The following SPON1 variants were observed in gnomAD, a reference collection of about 807,000 sequenced individuals.
SPON1 encodes the protein spondin-1.
A neutral mutation model predicts 111.7 loss-of-function variants in SPON1; 52 were observed. The observed-to-expected ratio is 0.47, with a 90% CI of 0.37 to 0.59. The LOEUF is 0.59. Among genes scored for constraint, SPON1 ranks in the 20% least tolerant of loss-of-function variants. SPON1 has a pLI of 0.00. For missense variants in SPON1, 957 were observed against 1,068.5 expected, an observed-to-expected ratio of 0.90 and a Z score of 1.46; for synonymous variants, 410 against 395.8, an observed-to-expected ratio of 1.04 and a Z score of -0.43.
At chr11:14,191,011 T>TAAAAAAAAAAAA (rs1564927675) in intron 6 of SPON1, among the ~76,000 whole-genome samples, 3 of 151,418 alleles carry the variant, frequency 2.0e-5, no homozygotes, top group African/African-American at 7.4e-5. Flanking sequence ...CATCACTTGG[T>TAAAAAAAAAAAA]ATATAAAGAA....
At chr11:14,163,337 T>G (rs916864276) in intron 6 of SPON1, among the ~76,000 whole-genome samples, 6 of 152,210 alleles carry the variant, frequency 3.9e-5, no homozygotes, top group Non-Finnish European at 8.8e-5. Flanking sequence ...GTCCAGGTCA[T>G]GAGCATCTAC....
intron 2 of SPON1, among the ~76,000 whole-genome samples, chr11:14,036,485 TAGAGGAA>T (rs1554916650): frequency 6.6e-6 from 1 of 152,156 alleles, no homozygotes; most frequent in Non-Finnish European, 1.5e-5. Flanking sequence ...AGGACCAGGT[TAGAGGAA>T]AGACGGTTAA....
At chr11:13,992,860 TG>T (rs1249356719) in intron 2 of SPON1, among the ~76,000 whole-genome samples, 3 of 151,932 alleles carry the variant, frequency 2.0e-5, no homozygotes, top group Non-Finnish European at 4.4e-5. Flanking sequence ...CATCCTGCTT[TG>T]GCTTGCTCTC....
At chr11:14,186,799 A>C (rs1848290174) in intron 6 of SPON1, among the ~76,000 whole-genome samples, 2 of 152,192 alleles carry the variant, frequency 1.3e-5, no homozygotes, top group Admixed American at 1.3e-4. Flanking sequence ...TAAAGCTAAC[A>C]CTAAGCCAGA....
At chr11:14,204,234 C>A (rs1554935958) in intron 6 of SPON1, among the ~76,000 whole-genome samples, 1 of 152,192 alleles carries the variant, frequency 6.6e-6, no homozygotes, top group African/African-American at 2.4e-5. Flanking sequence ...TGGGCACATC[C>A]CCTTGGCTCC....
At chr11:14,154,739 G>T (rs1417662880) in intron 6 of SPON1, among the ~76,000 whole-genome samples, 3 of 152,194 alleles carry the variant, frequency 2.0e-5, no homozygotes, top group African/African-American at 7.2e-5. Flanking sequence ...ACATGGCCAG[G>T]CTGCAAGTTT....
At chr11:13,987,623 G>A (rs541443267) in intron 2 of SPON1, among the ~76,000 whole-genome samples, 1 of 152,266 alleles carries the variant, frequency 6.6e-6, no homozygotes, top group Non-Finnish European at 1.5e-5. Context: ...TGAAGTCTTT[G>A]CCCATGCTTA....
At chr11:13,992,325 T>A (rs187267460) in intron 2 of SPON1, among the ~76,000 whole-genome samples, 103 of 152,278 alleles carry the variant, frequency 6.8e-4, no homozygotes, top group Non-Finnish European at 1.1e-3. Flanking sequence ...CCCACCCAGT[T>A]TGAACTTCCC....
chr11:13,971,631 A>G (rs1848064002), intron 1 of SPON1, among the ~76,000 whole-genome samples: 1 of 152,106 alleles, frequency 6.6e-6, no homozygotes, highest in Non-Finnish European at 1.5e-5. Context: ...TTAAAGGAAA[A>G]TGATGAGACA....
intron 6 of SPON1, among the ~76,000 whole-genome samples, chr11:14,199,913 T>G (rs75560071): frequency 1.4e-4 from 21 of 152,140 alleles, no homozygotes; most frequent in African/African-American, 4.6e-4. Flanking sequence ...CAACCTCATT[T>G]CCTCCCAGCC....
In SPON1 at chr11:14,265,529, A is replaced by G; in HGVS notation, c.2266A>G (p.Arg756Gly). 1 of 1,612,746 alleles carries G rather than the reference A, an allele frequency of 6.2e-7. No homozygotes were observed. Among genetic ancestry groups the G allele is most frequent in the Non-Finnish European group, 8.5e-7 (1 of 1,179,462 alleles). ...AGGCATTCTCATGCTTTCAGGTTGTAGGATGCGCCCATGGACGGCCTGGTC... is the reference window on the plus strand; with the variant it reads ...AGGCATTCTCATGCTTTCAGGTTGTGGGATGCGCCCATGGACGGCCTGGTC... ...ESEGEQFPGC[R>G]MRPWTAWSEC... The change falls in exon 16 of 16, where the codon AGG becomes GGG. Residue 756 changes from arginine to glycine, a missense_variant. Around this residue, in one of 5 missense-constraint regions of SPON1, gnomAD observed 549 missense variants for 606.2 expected, o/e 0.91. Coordinates refer to ENST00000576479, the MANE Select transcript of SPON1 (RefSeq NM_006108.4).
intron 15 of SPON1, 83 bp downstream of exon 15, chr11:14,263,058 A>T (rs1411234662): frequency 4.5e-6 from 6 of 1,347,286 alleles, no homozygotes; most frequent in East Asian, 5.0e-5. Flanking sequence ...CTGTTTAAAA[A>T]AAAAAAAAAA....
At chr11:14,263,501 A>G in intron 15 of SPON1, among the ~76,000 whole-genome samples, 1 of 151,456 alleles carries the variant, frequency 6.6e-6, no homozygotes, top group South Asian at 2.1e-4. Flanking sequence ...AGACTTTATG[A>G]TTTTTTTTTG....
At chr11:14,204,355 G>A (rs1335693164) in intron 6 of SPON1, among the ~76,000 whole-genome samples, 6 of 152,166 alleles carry the variant, frequency 3.9e-5, no homozygotes, top group Admixed American at 3.9e-4. Context: ...GATCGCAGCT[G>A]ACTGCAGTCT....
intron 3 of SPON1, among the ~76,000 whole-genome samples, chr11:14,063,651 C>T (rs994358468): frequency 1.3e-5 from 2 of 152,182 alleles, no homozygotes; most frequent in Non-Finnish European, 2.9e-5. Context: ...GGGGCACAGA[C>T]ATTGAAAAGA....
chr11:14,188,859 T>A (rs1428868585), intron 6 of SPON1, among the ~76,000 whole-genome samples: 2 of 152,214 alleles, frequency 1.3e-5, no homozygotes, highest in East Asian at 1.9e-4. Flanking sequence ...AAAGCTATGA[T>A]GAGCACAGAA....
rs1554941816 is a variant in SPON1 at position 14,260,622 on chromosome 11, G to A, written c.1866G>A (p.Glu622=). The A allele has an allele frequency of 1.9e-6, 3 of 1,613,972 alleles. No homozygotes were observed. Among genetic ancestry groups the A allele is most frequent in the South Asian group, 1.1e-5 (1 of 91,080 alleles). Residue 622 remains glutamate, a synonymous_variant, in exon 14 of 16, where the codon GAG becomes GAA. Coordinates refer to ENST00000576479, the MANE Select transcript of SPON1 (RefSeq NM_006108.4). ...CATGCTTGCTGTCCCCATGGTCCGA[G>A]TGGAGTGACTGCAGCGTGACCTGCG... is the stretch of plus-strand genomic sequence containing the variant. ...TIPCLLSPWS[E]WSDCSVTCGK... is the part of the protein sequence containing the mutation.
At chr11:14,244,849 C>T (rs1378190428) in intron 7 of SPON1, among the ~76,000 whole-genome samples, 1 of 152,190 alleles carries the variant, frequency 6.6e-6, no homozygotes, top group Non-Finnish European at 1.5e-5. Flanking sequence ...CTTAGTTTAG[C>T]GTGCGCAGGT....
intron 6 of SPON1, among the ~76,000 whole-genome samples, chr11:14,155,368 A>G (rs1246843325): frequency 3.9e-5 from 6 of 152,160 alleles, no homozygotes; most frequent in African/African-American, 1.4e-4. Context: ...GCTATACAGG[A>G]AGCATGGCTG....
Sources: allele counts gnomAD v4.1 joint callset (sites outside exome capture counted in the v4.1 genomes callset), GRCh38; gene constraint gnomAD v4.1.1; regional missense constraint gnomAD v4.1.1; transcripts MANE v1.5; gene names NCBI Gene and HGNC (gene_info 2026-07-23, HGNC 2026-07-21).